Variants in ZFX observed in about 807,000 individuals in gnomAD.
The protein encoded by ZFX is zinc finger protein X-linked.
For missense variants in ZFX, 362 were observed against 628.3 expected (o/e 0.58, Z 4.53); for synonymous variants, 196 against 226.8 (o/e 0.86, Z 1.22).
At position 24,211,565 on chromosome X, in the gene ZFX, GTTTGTTT is replaced by G; in HGVS notation, c.*190_*196del. 1 of 479,137 alleles carries G rather than the reference GTTTGTTT, an allele frequency of 2.1e-6. No homozygotes were observed. 39.5% of individuals were successfully genotyped at this position (479,137 alleles called of 1,213,427 possible). On this transcript the variant is annotated 3_prime_UTR_variant, in exon 10 of 10. Coordinates refer to ENST00000304543, the MANE Select transcript of ZFX (RefSeq NM_003410.4). ...AGTAGTGTGTTCTGAATTCTATTCA[GTTTGTTT>G]AATAAATAGGGAAAACTGGCAACAT...
At chrX:24,185,729 C>T (rs759020749) in intron 5 of ZFX, among the ~76,000 whole-genome samples, 1 of 112,590 alleles carries the variant, frequency 8.9e-6, no homozygotes, top group South Asian at 3.6e-4. Context: ...GGATTACAGG[C>T]GTGAGCCACT....
intron 5 of ZFX, among the ~76,000 whole-genome samples, chrX:24,199,932 A>C (rs1937180931): frequency 9.1e-6 from 1 of 109,546 alleles, no homozygotes; most frequent in Non-Finnish European, 1.9e-5. Context: ...AAAAAAAAAA[A>C]GTTTTTGCTC....
chrX:24,166,940 C>G (rs780870721), intron 3 of ZFX, among the ~76,000 whole-genome samples: 1 of 111,800 alleles, frequency 8.9e-6, no homozygotes, highest in East Asian at 2.8e-4. Context: ...CCTGCAGTAC[C>G]ACCAACATCA....
intron 5 of ZFX, among the ~76,000 whole-genome samples, chrX:24,183,230 G>A (rs1448602823): frequency 8.9e-6 from 1 of 111,770 alleles, no homozygotes; most frequent in Non-Finnish European, 1.9e-5. Context: ...TGTTGCCCAG[G>A]CTGGAGTGCA....
At chrX:24,169,268 G>T (rs1402751839) in intron 3 of ZFX, among the ~76,000 whole-genome samples, 2 of 111,815 alleles carry the variant, frequency 1.8e-5, no homozygotes, top group Non-Finnish European at 3.8e-5. Flanking sequence ...ATTAGGAAAT[G>T]CACGTGATGT....
chrX:24,207,541 T>A, intron 6 of ZFX, 66 bp downstream of exon 6: 1 of 1,159,945 alleles, frequency 8.6e-7, no homozygotes, highest in South Asian at 2.0e-5. Flanking sequence ...ACTTTTGGGT[T>A]ATTTAGATTG....
At chrX:24,208,490 G>T (rs1322017779) in intron 8 of ZFX, 120 bp downstream of exon 8, 2 of 922,069 alleles carry the variant, frequency 2.2e-6, no homozygotes. Flanking sequence ...ATCCTGTAAG[G>T]ATTATTTGAA....
At chrX:24,167,841 A>G (rs1265419704) in intron 3 of ZFX, among the ~76,000 whole-genome samples, 1 of 112,118 alleles carries the variant, frequency 8.9e-6, no homozygotes, top group African/African-American at 3.2e-5. Context: ...TAGAAACAAC[A>G]AGAAACTTTC....
rs144297435 is a variant in ZFX at position 24,210,545 on chromosome X, T to C, written c.1587T>C (p.Ala529=). The change falls in exon 10 of 10, where the codon GCT becomes GCC. Residue 529 remains alanine, a synonymous_variant. Transcript: ENST00000304543. ...HKCKFCEYET[A]EQGLLNRHLL... is the part of the protein sequence containing the mutation. Reference sequence around the variant, plus strand: ...GTAAATTCTGTGAATACGAGACAGCTGAACAAGGGTTATTGAATCGCCACC... The same window carrying C: ...GTAAATTCTGTGAATACGAGACAGCCGAACAAGGGTTATTGAATCGCCACC... 170 of 1,210,127 alleles carry C rather than the reference T, an allele frequency of 1.4e-4. No homozygotes were observed. In the African/African-American group the frequency reaches 2.1e-3, roughly 15 times the overall value.
intron 4 of ZFX, among the ~76,000 whole-genome samples, chrX:24,174,786 T>C (rs1390838644): frequency 9.0e-6 from 1 of 110,927 alleles, no homozygotes; most frequent in Non-Finnish European, 1.9e-5. Flanking sequence ...TGATTATAGC[T>C]CATTGTAACT....
chrX:24,176,643 G>C lies in ZFX; in HGVS notation c.59-2540G>C, dbSNP rs373362631. 4.5e-4 allele frequency among the ~76,000 whole-genome samples: 49 copies of C among 109,579 alleles called. 1 individual carries two copies. In the East Asian group the frequency reaches 0.011, roughly 25 times the overall value. On this transcript the variant is annotated intron_variant, in intron 4 of 9. Coordinates refer to ENST00000304543, the MANE Select transcript of ZFX (RefSeq NM_003410.4). ...GACGGGGTTTCACAATGTTGGCCAG[G>C]CTGGTCTCGAACCCTTGACTTCAGG... is the stretch of plus-strand genomic sequence containing the variant.
chrX:24,185,778 T>C (rs1025708425), intron 5 of ZFX, among the ~76,000 whole-genome samples: 3 of 111,776 alleles, frequency 2.7e-5, no homozygotes, highest in Non-Finnish European at 5.6e-5. Flanking sequence ...TTAAAACTTA[T>C]ATTGAGGTCG....
chrX:24,159,840 C>T (rs1349775292), intron 3 of ZFX, among the ~76,000 whole-genome samples: 1 of 111,687 alleles, frequency 9.0e-6, no homozygotes, highest in Non-Finnish European at 1.9e-5. Flanking sequence ...TGCTTGGTGT[C>T]TTTTGAGTGT....
intron 5 of ZFX, among the ~76,000 whole-genome samples, chrX:24,187,626 A>G (rs758138952): frequency 6.3e-5 from 7 of 111,857 alleles, no homozygotes; most frequent in Non-Finnish European, 1.3e-4. Flanking sequence ...TTGTATTTAC[A>G]TGAGAAAAAG....
At position 24,151,820 on chromosome X, in the gene ZFX, G is replaced by T. The variant is rs925179149; in HGVS notation, c.-140+20G>T. The T allele has an allele frequency of 8.9e-5, 10 of 111,782 alleles. No homozygotes were observed. Among genetic ancestry groups the T allele is most frequent in the Non-Finnish European group, 1.7e-4 (9 of 53,207 alleles). 9.2% of individuals were successfully genotyped at this position (111,782 alleles called of 1,213,427 possible). On this transcript the variant is annotated intron_variant, in intron 2 of 9. Coordinates refer to ENST00000304543, the MANE Select transcript of ZFX (RefSeq NM_003410.4). ...TTTACGGTACTTAGTAGTTCCATTG[G>T]ACTAGGAAAAGTTTCAAAGTTGAAA...
intron 5 of ZFX, among the ~76,000 whole-genome samples, chrX:24,205,545 T>G (rs1401875780): frequency 8.9e-6 from 1 of 112,353 alleles, no homozygotes; most frequent in East Asian, 2.8e-4. Flanking sequence ...CTTGGCTACT[T>G]TGTAAAGTTT....
Position 24,154,507 on chromosome X carries a change from A to G in ZFX, c.-29+1677A>G, listed in dbSNP as rs1295884345. ...TCCAGCAGTTTTCAAAGTGTGCTGC[A>G]GGGATTCCTGGGGATCCCTAAGATT... On this transcript the variant is annotated intron_variant, in intron 3 of 9. Coordinates refer to ENST00000304543, the MANE Select transcript of ZFX (RefSeq NM_003410.4). Among the ~76,000 whole-genome samples, 5 of 112,253 alleles carry G rather than the reference A, an allele frequency of 4.5e-5. No homozygotes were observed. In the Admixed American group the frequency reaches 4.8e-4, roughly 11 times the overall value.
chrX:24,208,091 C>T (rs1048341918), intron 7 of ZFX, 127 bp from the exon 8 acceptor site: 2 of 922,091 alleles, frequency 2.2e-6, no homozygotes, highest in African/African-American at 2.0e-5. Flanking sequence ...TACGTGAAAG[C>T]TATGTTCTAG....
rs1370104306 is a variant in ZFX, at chrX:24,207,357, T to G, written c.678T>G (p.Gly226=). Residue 226 remains glycine, a synonymous_variant, in exon 6 of 10, where the codon GGT becomes GGG. Coordinates refer to ENST00000304543, the MANE Select transcript of ZFX (RefSeq NM_003410.4). ...ATGCTGGCAAAATAGAACACGATGGTTCTTCTGGAATGACCATGGACACAG... is the reference window on the plus strand; with the variant it reads ...ATGCTGGCAAAATAGAACACGATGGGTCTTCTGGAATGACCATGGACACAG... ...LDDAGKIEHD[G]SSGMTMDTES... is the part of the protein sequence containing the mutation. 1 of 1,210,269 alleles carries G rather than the reference T, an allele frequency of 8.3e-7. No homozygotes were observed. Among genetic ancestry groups the G allele is most frequent in the African/African-American group, 1.7e-5 (1 of 57,445 alleles).
Sources: gnomAD v4.1 joint callset for allele counts (sites outside exome capture counted in the v4.1 genomes callset) on GRCh38, gnomAD v4.1.1 for gene constraint, MANE v1.5 for transcripts, NCBI Gene and HGNC (gene_info 2026-07-23, HGNC 2026-07-21) for gene names.